The following DGKB variants were observed in gnomAD, a reference collection of about 807,000 sequenced individuals.
The protein encoded by DGKB is 90 kDa diacylglycerol kinase.
DGKB carries 67 observed loss-of-function variants against 114.3 expected under a neutral mutation model. That is an observed-to-expected ratio of 0.59 (90% CI 0.48 to 0.72). DGKB has a LOEUF of 0.72. DGKB is among the 30% of genes least tolerant of loss of function. DGKB has a pLI of 0.00. For synonymous variants in DGKB, 398 were observed against 323.1 expected (o/e 1.23, Z -2.49); for missense variants, 907 against 975.2 (o/e 0.93, Z 0.93).
intron 23 of DGKB, among the ~76,000 whole-genome samples, chr7:14,292,132 T>C (rs150790371): frequency 0.017 from 2,659 of 152,302 alleles, 36 homozygotes; most frequent in Non-Finnish European, 0.028. Flanking sequence ...TATTTTTGGG[T>C]TTAAAGAAAT....
chr7:14,796,593 C>A (rs1841440925), intron 2 of DGKB, among the ~76,000 whole-genome samples: 1 of 151,552 alleles, frequency 6.6e-6, no homozygotes, highest in South Asian at 2.1e-4. Flanking sequence ...TGGAAGTGGT[C>A]CAGTCAAAGC....
At chr7:14,467,427 T>A (rs1419947193) in intron 21 of DGKB, among the ~76,000 whole-genome samples, 1 of 150,848 alleles carries the variant, frequency 6.6e-6, no homozygotes. Context: ...TTAATAAAAA[T>A]AAAATATAAA....
intron 16 of DGKB, 28 bp from the exon 17 acceptor site, chr7:14,607,536 A>G: frequency 9.8e-7 from 1 of 1,017,526 alleles, no homozygotes; most frequent in Admixed American, 1.8e-5. Flanking sequence ...TGGGGAAAAA[A>G]TTTAATAATA....
chr7:14,163,569 G>A (rs1214642667), intron 25 of DGKB, among the ~76,000 whole-genome samples: 1 of 152,142 alleles, frequency 6.6e-6, no homozygotes, highest in Non-Finnish European at 1.5e-5. Context: ...AATTGCTTTT[G>A]GAGTCTCACT....
chr7:14,633,965 A>G (rs1202265538), intron 13 of DGKB, among the ~76,000 whole-genome samples: 2 of 151,512 alleles, frequency 1.3e-5, no homozygotes, highest in Non-Finnish European at 3.0e-5. Context: ...ATCATTTTAA[A>G]TTGACAATTT....
At chr7:14,793,911 C>G (rs1164987572) in intron 2 of DGKB, among the ~76,000 whole-genome samples, 1 of 152,072 alleles carries the variant, frequency 6.6e-6, no homozygotes. Context: ...CTGAGTAAGA[C>G]AGAAGGTACA....
intron 2 of DGKB, among the ~76,000 whole-genome samples, chr7:14,830,315 T>C (rs1047773244): frequency 6.6e-5 from 10 of 152,084 alleles, no homozygotes; most frequent in Non-Finnish European, 1.3e-4. Flanking sequence ...AGACTTCCTC[T>C]TTGAATTCCT....
chr7:14,428,431 C>A (rs113984176), intron 21 of DGKB, among the ~76,000 whole-genome samples: 4 of 151,984 alleles, frequency 2.6e-5, no homozygotes, highest in Non-Finnish European at 4.4e-5. Flanking sequence ...TGTTTTGCAT[C>A]GAGGTTGTTT....
chr7:14,409,831 A>G (rs1371651309), intron 21 of DGKB, among the ~76,000 whole-genome samples: 1 of 152,076 alleles, frequency 6.6e-6, no homozygotes, highest in Non-Finnish European at 1.5e-5. Flanking sequence ...ATAAACAGAC[A>G]AGTACTGTAA....
At chr7:14,699,027 C>T (rs1168300077) in intron 7 of DGKB, among the ~76,000 whole-genome samples, 1 of 151,664 alleles carries the variant, frequency 6.6e-6, no homozygotes, top group Non-Finnish European at 1.5e-5. Context: ...TATATGTAGT[C>T]GATGTTCATG....
intron 21 of DGKB, among the ~76,000 whole-genome samples, chr7:14,451,258 T>G (rs138537662): frequency 6.6e-6 from 1 of 152,164 alleles, no homozygotes; most frequent in East Asian, 1.9e-4. Context: ...CTTCACAATA[T>G]GGGTAGGACT....
Position 14,574,276 on chromosome 7 carries a change from T to C in DGKB, c.1706A>G (p.Asp569Gly). 6.2e-7 allele frequency: 1 copy of C among 1,613,370 alleles called. No individual in the cohort carries two copies. The highest frequency in any genetic ancestry group is 1.7e-4 in the Middle Eastern group (1 of 6,058). ...CACTGGGTCTCCTTTCTCATCTTTG[T>C]CATTAGGTATGACTTCAAACTTCCA... ...DRWKFEVIPN[D>G]KDEKGDPVPY... Residue 569 changes from aspartate to glycine, a missense_variant, in exon 20 of 26, where the codon GAC becomes GGC. By Grantham distance (94) the Asp-to-Gly change is moderately conservative (BLOSUM62 -1). Coordinates refer to ENST00000402815, the MANE Select transcript of DGKB (RefSeq NM_001350709.2).
At chr7:14,419,898 T>C (rs1428884614) in intron 21 of DGKB, among the ~76,000 whole-genome samples, 1 of 151,976 alleles carries the variant, frequency 6.6e-6, no homozygotes, top group African/African-American at 2.4e-5. Context: ...CTTGAACAGA[T>C]CAAAAAGCAA....
intron 2 of DGKB, among the ~76,000 whole-genome samples, chr7:14,758,825 A>G (rs1180801354): frequency 3.9e-5 from 6 of 152,094 alleles, no homozygotes; most frequent in Non-Finnish European, 8.8e-5. Flanking sequence ...TTTACTTGGA[A>G]TGTACCATTT....
At chr7:14,333,510 T>G (rs923354619) in intron 23 of DGKB, among the ~76,000 whole-genome samples, 6 of 151,886 alleles carry the variant, frequency 4.0e-5, no homozygotes, top group Non-Finnish European at 5.9e-5. Flanking sequence ...TGGATCTATT[T>G]TGAGGAAGAC....
intron 2 of DGKB, among the ~76,000 whole-genome samples, chr7:14,772,347 A>C (rs1837541553): frequency 6.6e-6 from 1 of 152,186 alleles, no homozygotes; most frequent in African/African-American, 2.4e-5. Flanking sequence ...AACAATAAAT[A>C]AAGTATGAAA....
intron 23 of DGKB, among the ~76,000 whole-genome samples, chr7:14,204,844 A>G (rs1786496171): frequency 6.6e-6 from 1 of 151,998 alleles, no homozygotes; most frequent in Admixed American, 6.6e-5. Flanking sequence ...TATTACTATA[A>G]ATTGTTGGTA....
chr7:14,872,395 G>T (rs2128198846), intron 1 of DGKB, among the ~76,000 whole-genome samples: 1 of 152,292 alleles, frequency 6.6e-6, no homozygotes, highest in East Asian at 1.9e-4. Context: ...ACTACCGGTT[G>T]ACTGATGTTG....
chr7:14,362,487 T>A (rs1815931241), intron 21 of DGKB, among the ~76,000 whole-genome samples: 1 of 152,064 alleles, frequency 6.6e-6, no homozygotes, highest in Admixed American at 6.6e-5. Flanking sequence ...CTATTCTAGT[T>A]GCCAGAAATT....
Sources: gnomAD v4.1 joint callset for allele counts (sites outside exome capture counted in the v4.1 genomes callset) on GRCh38, gnomAD v4.1.1 for gene constraint, MANE v1.5 for transcripts, NCBI Gene and HGNC (gene_info 2026-07-23, HGNC 2026-07-21) for gene names.